GALNT9: variants seen among roughly 807,000 people sequenced by gnomAD.
The protein encoded by GALNT9 is polypeptide N-acetylgalactosaminyltransferase 9, also known as GalNAc transferase 9.
In GALNT9, 47 loss-of-function variants were observed where a neutral mutation model predicts 63.1. The ratio of observed to expected loss-of-function variants is 0.75; its 90% confidence interval spans 0.59 to 0.95. The LOEUF (loss-of-function observed/expected upper bound fraction) is 0.95. GALNT9 is among the 40% of genes least tolerant of loss of function. The probability of loss-of-function intolerance (pLI) is 0.00; values close to 1 mark genes in which losing one functional copy is unlikely to be tolerated. For missense variants in GALNT9, 829 were observed against 874.8 expected, an observed-to-expected ratio of 0.95 and a Z score of 0.66; for synonymous variants, 396 against 365.7, an observed-to-expected ratio of 1.08 and a Z score of -0.94.
intron 9 of GALNT9, among the ~76,000 whole-genome samples, chr12:132,198,514 G>A (rs1317187678): frequency 4.7e-5 from 7 of 150,082 alleles, no homozygotes; most frequent in Non-Finnish European, 8.8e-5. Flanking sequence ...CAGCACTATT[G>A]CCGTGTTAAT....
chr12:132,198,076 G>C (rs1875667136), intron 9 of GALNT9, 117 bp from the exon 10 acceptor site: 2 of 830,768 alleles, frequency 2.4e-6, no homozygotes, highest in Non-Finnish European at 3.7e-6. Context: ...GGCTGCCTTG[G>C]AGCCTCCCAC....
intron 7 of GALNT9, among the ~76,000 whole-genome samples, chr12:132,203,149 G>A (rs1390011310): frequency 6.6e-6 from 1 of 152,224 alleles, no homozygotes; most frequent in Non-Finnish European, 1.5e-5. Context: ...GCTGACAGGT[G>A]CTGTGCAGGG....
At chr12:132,239,367 G>A (rs2136896882) in intron 6 of GALNT9, among the ~76,000 whole-genome samples, 3 of 150,256 alleles carry the variant, frequency 2.0e-5, no homozygotes, top group African/African-American at 7.4e-5. Context: ...CAGAGAGAGA[G>A]ACACACAGAG....
At chr12:132,314,438 C>A (rs963247752) in intron 1 of GALNT9, among the ~76,000 whole-genome samples, 2 of 152,126 alleles carry the variant, frequency 1.3e-5, no homozygotes, top group Non-Finnish European at 2.9e-5. Context: ...TCTCCATGAT[C>A]CTGTCATGGA....
chr12:132,198,905 C>T (rs1021489722), intron 9 of GALNT9, among the ~76,000 whole-genome samples: 1 of 152,142 alleles, frequency 6.6e-6, no homozygotes, highest in Non-Finnish European at 1.5e-5. Context: ...TCTGCCTTGG[C>T]CTCCCATCGT....
intron 6 of GALNT9, among the ~76,000 whole-genome samples, chr12:132,213,797 G>A (rs1161478982): frequency 6.6e-6 from 1 of 152,246 alleles, no homozygotes. Context: ...CCAGCTTGCT[G>A]CCAGCTCTCT....
chr12:132,320,466 C>T (rs1252614558), intron 1 of GALNT9, among the ~76,000 whole-genome samples: 1 of 152,234 alleles, frequency 6.6e-6, no homozygotes, highest in Non-Finnish European at 1.5e-5. Flanking sequence ...TTTAAATCGA[C>T]TCATCTTTTA....
intron 2 of GALNT9, among the ~76,000 whole-genome samples, chr12:132,267,530 T>G (rs982539579): frequency 6.6e-6 from 1 of 152,164 alleles, no homozygotes; most frequent in African/African-American, 2.4e-5. Flanking sequence ...CTGAAATTCA[T>G]GTGGAAATGC....
intron 1 of GALNT9, among the ~76,000 whole-genome samples, chr12:132,309,081 C>T (rs782306528): frequency 5.3e-5 from 8 of 152,242 alleles, no homozygotes; most frequent in Non-Finnish European, 1.2e-4. Flanking sequence ...AGAACCCGGC[C>T]CCACCCATTC....
intron 1 of GALNT9, among the ~76,000 whole-genome samples, chr12:132,311,378 C>G (rs1555245165): frequency 6.6e-6 from 1 of 152,158 alleles, no homozygotes; most frequent in African/African-American, 2.4e-5. Context: ...AAGGCCTGAA[C>G]TCGGCGTTAG....
In GALNT9 at chr12:132,301,549, C is replaced by T. The variant is rs887504625; in HGVS notation, c.239-15119G>A. Among the ~76,000 whole-genome samples the T allele has an allele frequency of 1.7e-4, 26 of 152,360 alleles. 1 individual carries two copies. The highest frequency in any genetic ancestry group is 5.3e-4 in the African/African-American group (22 of 41,588). The stretch of plus-strand genomic sequence containing the variant: ...GGCCCCTGCCCCTCCCAATTCCACC[C>T]GGAGGTAGGGATGGCTGTGCGAACA... On this transcript the variant is annotated intron_variant, in intron 1 of 10. Transcript: ENST00000328957.
At chr12:132,226,786 CAT>C (rs1877708961) in intron 6 of GALNT9, among the ~76,000 whole-genome samples, 7 of 148,430 alleles carry the variant, frequency 4.7e-5, no homozygotes, top group African/African-American at 1.5e-4. Flanking sequence ...ACATCCCACA[CAT>C]ACACCCCATA....
intron 7 of GALNT9, 64 bp downstream of exon 7, chr12:132,203,441 C>G: frequency 1.3e-6 from 2 of 1,541,596 alleles, no homozygotes; most frequent in Middle Eastern, 1.8e-4. Flanking sequence ...CCGGCCCAGC[C>G]CTGCCGTGGC....
chr12:132,311,510 G>A (rs1437757771), intron 1 of GALNT9, among the ~76,000 whole-genome samples: 1 of 152,174 alleles, frequency 6.6e-6, no homozygotes, highest in African/African-American at 2.4e-5. Context: ...GGTTATGCCT[G>A]CAACTCAATG....
intron 6 of GALNT9, among the ~76,000 whole-genome samples, chr12:132,215,751 G>A (rs1466216717): frequency 6.6e-6 from 1 of 152,200 alleles, no homozygotes; most frequent in Non-Finnish European, 1.5e-5. Flanking sequence ...AGCAGCCAGT[G>A]GGCATGGGCG....
intron 6 of GALNT9, among the ~76,000 whole-genome samples, chr12:132,207,506 C>T (rs1160783160): frequency 1.3e-5 from 2 of 152,224 alleles, no homozygotes; most frequent in Non-Finnish European, 2.9e-5. Flanking sequence ...GTGCCAGCCC[C>T]GTCAGTGTGT....
intron 5 of GALNT9, among the ~76,000 whole-genome samples, chr12:132,253,689 C>T (rs1206616213): frequency 1.3e-5 from 2 of 152,238 alleles, no homozygotes; most frequent in African/African-American, 4.8e-5. Context: ...CCTTCAGTCT[C>T]TTGCCTCGGC....
chr12:132,206,010 A>C (rs189423051), intron 6 of GALNT9: 41 of 152,504 alleles, frequency 2.7e-4, no homozygotes, highest in African/African-American at 9.2e-4. Context: ...TCGTCTGCCC[A>C]CCCGTCTTCA....
At position 132,214,580 on chromosome 12, in the gene GALNT9, C is replaced by A. The variant is rs552220649; in HGVS notation, c.1078-10890G>T. Among the ~76,000 whole-genome samples, 378 of 152,340 alleles carry A rather than the reference C, an allele frequency of 2.5e-3. 3 individuals carry two copies. Among genetic ancestry groups the A allele is most frequent in the African/African-American group, 8.7e-3 (362 of 41,574 alleles). On this transcript the variant is annotated intron_variant, in intron 6 of 10. Transcript: ENST00000328957. ...ACCACTCAGGAGGATGGCCCATGCC[C>A]CAGAGCTGCTGAGACGATGGAAGCC...
Sources: gnomAD v4.1 joint callset for allele counts (sites outside exome capture counted in the v4.1 genomes callset) on GRCh38, gnomAD v4.1.1 for gene constraint, MANE v1.5 for transcripts, NCBI Gene and HGNC (gene_info 2026-07-23, HGNC 2026-07-21) for gene names.